Variants in GOLGB1 observed in about 807,000 individuals in gnomAD.
GOLGB1 encodes golgin B1.
In GOLGB1, 174 loss-of-function variants were observed where a neutral mutation model predicts 336.9. That is an observed-to-expected ratio of 0.52 (90% CI 0.46 to 0.59). The LOEUF is 0.59. Ranked by LOEUF, GOLGB1 falls within the 20% of genes least tolerant of loss-of-function variation. The pLI is 0.00. For missense variants in GOLGB1, 3,331 were observed against 3,645.3 expected (o/e 0.91, Z 2.22); for synonymous variants, 1,208 against 1,289.2 (o/e 0.94, Z 1.35).
chr3:121,699,922 T>C lies in GOLGB1; in HGVS notation c.1520-37A>G, dbSNP rs752750672. 4 of 1,188,988 alleles carry C rather than the reference T, an allele frequency of 3.4e-6. No homozygotes were observed. The African/African-American group carries it at 6.1e-5, about 18-fold the overall frequency. The allele number at this position is 1,188,988 out of a possible 1,614,324, so 73.7% of individuals were successfully genotyped here. On this transcript the variant is annotated intron_variant, in intron 11 of 21. Coordinates refer to ENST00000614479, the MANE Select transcript of GOLGB1 (RefSeq NM_001366282.2). ...AAAATAAATATCTTTAGAAGATATA[T>C]GTGGAGTGTGTGAAAAAACAGGATT...
At chr3:121,692,658 T>C in intron 13 of GOLGB1, 77 bp from the exon 14 acceptor site, 1 of 739,914 alleles carries the variant, frequency 1.4e-6, no homozygotes, top group Non-Finnish European at 2.2e-6. Flanking sequence ...TACTATAACA[T>C]GTACTCAATA....
rs1942969163 is a variant in GOLGB1, at chr3:121,696,600, G to A, written c.3923C>T (p.Ser1308Phe). The A allele has an allele frequency of 1.5e-5, 25 of 1,614,054 alleles. 1 individual carries two copies. In the East Asian group the frequency reaches 5.1e-4, roughly 33 times the overall value. The change falls in exon 13 of 22, where the codon TCT becomes TTT. Residue 1308 changes from serine (S) to phenylalanine (F), a missense_variant. Coordinates refer to ENST00000614479, the MANE Select transcript of GOLGB1 (RefSeq NM_001366282.2). ...EDASALQGGTSVAQIKAQLKE... is the reference protein window; with the variant it reads ...EDASALQGGTFVAQIKAQLKE... ...CAGCTGGGCCTTAATCTGGGCAACA[G>A]AAGTTCCGCCCTGCAGAGCACTCGC... is the stretch of plus-strand genomic sequence containing the variant.
Position 121,676,897 on chromosome 3 carries a change from C to T in GOLGB1, c.9173G>A (p.Ser3058Asn). Residue 3058 changes from serine (S) to asparagine (N), a missense_variant, in exon 17 of 22, where the codon AGC becomes AAC. Physicochemically the swap from Ser to Asn is conservative, Grantham distance 46 (BLOSUM62 1). Transcript: ENST00000614479. ...AGTCTAACAAGAAACACTTACGTTG[C>T]TGTTCAGTTGCTGAATTCTTAACTC... ...QKELRIQQLN[S>N]NFSQLLEEKN... is the part of the protein sequence containing the mutation. 6.2e-7 allele frequency: 1 copy of T among 1,613,412 alleles called. No homozygotes were observed. Among genetic ancestry groups the T allele is most frequent in the Non-Finnish European group, 8.5e-7 (1 of 1,179,372 alleles).
At position 121,717,156 on chromosome 3, in the gene GOLGB1, A is replaced by C. The variant is rs781157604; in HGVS notation, c.886-17T>G. ...AGAGAGAATCTAAGAAAAAAGACAA[A>C]GTCTCATGAGCCATAAATACATTAT... On this transcript the variant is annotated splice_polypyrimidine_tract_variant and intron_variant, in intron 8 of 21. Coordinates refer to ENST00000614479, the MANE Select transcript of GOLGB1 (RefSeq NM_001366282.2). 3.2e-6 allele frequency: 5 copies of C among 1,573,930 alleles called. No individual in the cohort carries two copies. Among genetic ancestry groups the C allele is most frequent in the Non-Finnish European group, 4.3e-6 (5 of 1,159,736 alleles).
rs138148387 is a variant in GOLGB1 at position 121,702,509 on chromosome 3, T to A, written c.1491A>T (p.Ile497=). 1.3e-6 allele frequency: 2 copies of A among 1,525,724 alleles called. No individual in the cohort carries two copies. Among genetic ancestry groups the A allele is most frequent in the Non-Finnish European group, 1.8e-6 (2 of 1,135,640 alleles). 94.5% of individuals were successfully genotyped at this position (1,525,724 alleles called of 1,614,324 possible). A position where few individuals can be genotyped will look rare whatever the true frequency, so the allele number is the denominator to read the frequency against. The change falls in exon 11 of 22, where the codon ATA becomes ATT. Residue 497 remains isoleucine, a synonymous_variant. Transcript: ENST00000614479. ...TCTCAGCTTTCAGCTCCTCCAGCTC[T>A]ATAGAACTAAGGAGCAAGGCTCCCT... The part of the protein sequence containing the change: ...NEKGALLLSS[I]ELEELKAENE...
intron 1 of GOLGB1, among the ~76,000 whole-genome samples, chr3:121,734,328 T>C (rs964652577): frequency 1.4e-5 from 2 of 145,326 alleles, no homozygotes; most frequent in Admixed American, 1.4e-4. Context: ...AGGCATGGAT[T>C]GCAGTGAGCT....
At chr3:121,742,030 G>A (rs1471621732) in intron 1 of GOLGB1, among the ~76,000 whole-genome samples, 1 of 151,894 alleles carries the variant, frequency 6.6e-6, no homozygotes, top group African/African-American at 2.4e-5. Context: ...CAGCACACTG[G>A]GCCATACTGT....
intron 1 of GOLGB1, among the ~76,000 whole-genome samples, chr3:121,732,204 AT>A (rs762616456): frequency 6.6e-6 from 1 of 152,214 alleles, no homozygotes; most frequent in Non-Finnish European, 1.5e-5. Context: ...ATACACACAT[AT>A]AAATATGAAA....
intron 10 of GOLGB1, among the ~76,000 whole-genome samples, chr3:121,710,059 G>GA (rs543802111): frequency 1.3e-3 from 112 of 83,638 alleles, no homozygotes; most frequent in Admixed American, 2.6e-3. Flanking sequence ...AAAACCCCAG[G>GA]AAAAAAAAAA....
chr3:121,673,779 G>C (rs1387467302), intron 17 of GOLGB1, among the ~76,000 whole-genome samples: 1 of 151,972 alleles, frequency 6.6e-6, no homozygotes, highest in Non-Finnish European at 1.5e-5. Context: ...GGAGTGCAGG[G>C]GTGCGATCTC....
At position 121,691,643 on chromosome 3, in the gene GOLGB1, T is replaced by C. The variant is rs780936983; in HGVS notation, c.7721A>G (p.Tyr2574Cys). ...CTTCAGCTTTTCTTCTAATTTAGCATATTTATTTTCCAGCTCCTTATTTTG... is the reference window on the plus strand; with the variant it reads ...CTTCAGCTTTTCTTCTAATTTAGCACATTTATTTTCCAGCTCCTTATTTTG... Reference protein sequence around the residue: ...LQQNKELENKYAKLEEKLKES... With the variant: ...LQQNKELENKCAKLEEKLKES... The change falls in exon 14 of 22, where the codon TAT (tyrosine) becomes TGT (cysteine). Residue 2574 changes from tyrosine (Y) to cysteine (C), a missense_variant. Tyr to Cys is a radical substitution (Grantham distance 194). Coordinates refer to ENST00000614479, the MANE Select transcript of GOLGB1 (RefSeq NM_001366282.2). 12 of 1,612,924 alleles carry C rather than the reference T, an allele frequency of 7.4e-6. No homozygotes were observed. In the Admixed American group the frequency reaches 1.5e-4, roughly 20 times the overall value.
intron 1 of GOLGB1, among the ~76,000 whole-genome samples, chr3:121,735,309 T>A (rs1352690177): frequency 1.3e-5 from 2 of 152,188 alleles, no homozygotes; most frequent in East Asian, 3.8e-4. Flanking sequence ...TCAGCCAGGA[T>A]GTCAGGAGTT....
At chr3:121,688,603 G>A (rs1170415269) in intron 14 of GOLGB1, among the ~76,000 whole-genome samples, 5 of 152,036 alleles carry the variant, frequency 3.3e-5, no homozygotes, top group Admixed American at 6.5e-5. Flanking sequence ...CTGCCCCGCC[G>A]CCACCCCGTC....
chr3:121,719,105 T>C (rs926502199), intron 7 of GOLGB1, among the ~76,000 whole-genome samples: 1 of 152,218 alleles, frequency 6.6e-6, no homozygotes, highest in African/African-American at 2.4e-5. Flanking sequence ...ACATAAAGTA[T>C]CACTGAAGTG....
intron 8 of GOLGB1, among the ~76,000 whole-genome samples, chr3:121,717,840 T>C (rs904311069): frequency 2.0e-5 from 3 of 152,230 alleles, no homozygotes; most frequent in Non-Finnish European, 4.4e-5. Context: ...TTCCATTTTT[T>C]TCAGATGGTG....
rs765999839 is a variant in GOLGB1, at chr3:121,729,258, A to G, written c.332T>C (p.Ile111Thr). ...KAKLTSLNKY[I>T]EEMKAQGGTV... ...CCCTCCTTGTGCTTTCATTTCTTCTATGTATTTATTCAAAGAAGTTAATTT... is the reference window on the plus strand; with the variant it reads ...CCCTCCTTGTGCTTTCATTTCTTCTGTGTATTTATTCAAAGAAGTTAATTT... The change falls in exon 4 of 22, where the codon ATA becomes ACA. Residue 111 changes from isoleucine to threonine, a missense_variant. Transcript: ENST00000614479. 1 of 1,610,352 alleles carries G rather than the reference A, an allele frequency of 6.2e-7. No individual in the cohort carries two copies. Among genetic ancestry groups the G allele is most frequent in the South Asian group, 1.1e-5 (1 of 90,960 alleles).
rs1027496511 is a variant in GOLGB1, at chr3:121,697,429, T to C, written c.3094A>G (p.Ile1032Val). The stretch of plus-strand genomic sequence containing the variant: ...CCCCTCTCAGTCTCACTGAGTGGGA[T>C]TTCTTTCTTAGATTCATCTTTCAAG... ...ANLKDESKKEIPLSETERGEV... is the reference protein window; with the variant it reads ...ANLKDESKKEVPLSETERGEV... Residue 1032 changes from isoleucine (I) to valine (V), a missense_variant, in exon 13 of 22, where the codon ATC becomes GTC. Transcript: ENST00000614479. 1.9e-6 allele frequency: 3 copies of C among 1,611,728 alleles called. No homozygotes were observed. In the African/African-American group the frequency reaches 4.0e-5, roughly 22 times the overall value.
intron 1 of GOLGB1, among the ~76,000 whole-genome samples, chr3:121,733,122 C>T (rs1312846079): frequency 6.6e-6 from 1 of 151,752 alleles, no homozygotes; most frequent in Non-Finnish European, 1.5e-5. Context: ...AGGAGATCGA[C>T]ACCATCTTGG....
chr3:121,725,337 AG>A (rs2108229135), intron 5 of GOLGB1, among the ~76,000 whole-genome samples: 1 of 152,328 alleles, frequency 6.6e-6, no homozygotes, highest in South Asian at 2.1e-4. Context: ...GTACCGGCAG[AG>A]GATGCTGAAA....
Sources: allele counts gnomAD v4.1 joint callset (sites outside exome capture counted in the v4.1 genomes callset), GRCh38; gene constraint gnomAD v4.1.1; transcripts MANE v1.5; gene names NCBI Gene and HGNC (gene_info 2026-07-23, HGNC 2026-07-21).